Variants in RUNDC3B observed in about 807,000 individuals in gnomAD.
RUNDC3B encodes the protein RUN domain containing 3B.
Under a neutral mutation model 58.4 loss-of-function variants are expected in RUNDC3B, and 33 were observed. The observed-to-expected ratio is 0.56, with a 90% CI of 0.43 to 0.75. The LOEUF (loss-of-function observed/expected upper bound fraction) is 0.75. RUNDC3B is among the 30% of genes least tolerant of loss of function. The pLI is 0.00. For synonymous variants in RUNDC3B, 193 were observed against 195.2 expected (o/e 0.99, Z 0.10); for missense variants, 501 against 535.7 (o/e 0.94, Z 0.64).
intron 2 of RUNDC3B, chr7:87,693,815 C>A: frequency 8.7e-7 from 1 of 1,153,598 alleles, no homozygotes; most frequent in Admixed American, 2.1e-5. Context: ...TTATATGTAG[C>A]CATCTTAGTT....
chr7:87,781,778 G>A (rs1158110392), intron 8 of RUNDC3B, among the ~76,000 whole-genome samples: 1 of 151,884 alleles, frequency 6.6e-6, no homozygotes, highest in Admixed American at 6.6e-5. Context: ...TTATGTGGTA[G>A]ATCACATTTC....
At chr7:87,731,568 G>A (rs1831578591) in intron 4 of RUNDC3B, among the ~76,000 whole-genome samples, 1 of 151,978 alleles carries the variant, frequency 6.6e-6, no homozygotes, top group South Asian at 2.1e-4. Context: ...ATAGAAGGAT[G>A]GAAAAAGATA....
intron 8 of RUNDC3B, among the ~76,000 whole-genome samples, chr7:87,801,010 T>C (rs1836118649): frequency 6.6e-6 from 1 of 152,206 alleles, no homozygotes; most frequent in Non-Finnish European, 1.5e-5. Flanking sequence ...TTTTATAATT[T>C]TGTGCATGAT....
intron 9 of RUNDC3B, among the ~76,000 whole-genome samples, 178 bp from the exon 10 acceptor site, chr7:87,815,963 A>G (rs1026960372): frequency 1.3e-5 from 2 of 152,092 alleles, no homozygotes; most frequent in Non-Finnish European, 2.9e-5. Flanking sequence ...GCCTTGAAAG[A>G]TGATAGAAAG....
chr7:87,705,398 C>A (rs1337976986), intron 3 of RUNDC3B, among the ~76,000 whole-genome samples: 1 of 152,158 alleles, frequency 6.6e-6, no homozygotes, highest in Non-Finnish European at 1.5e-5. Context: ...TGCACTGCAG[C>A]CTGGGCAACA....
intron 8 of RUNDC3B, among the ~76,000 whole-genome samples, chr7:87,800,696 G>T (rs1441361084): frequency 6.8e-6 from 1 of 148,032 alleles, no homozygotes; most frequent in African/African-American, 2.5e-5. Flanking sequence ...CATCCAGGCT[G>T]GAGTGCAGTG....
intron 8 of RUNDC3B, among the ~76,000 whole-genome samples, chr7:87,803,679 T>C (rs948205299): frequency 6.6e-6 from 1 of 152,188 alleles, no homozygotes; most frequent in South Asian, 2.1e-4. Flanking sequence ...GACTTTTAGA[T>C]GATTGCTTCT....
At chr7:87,758,384 A>G (rs910042938) in intron 6 of RUNDC3B, among the ~76,000 whole-genome samples, 1 of 152,050 alleles carries the variant, frequency 6.6e-6, no homozygotes, top group Non-Finnish European at 1.5e-5. Flanking sequence ...TGAAAATACT[A>G]CCAAAAACTG....
chr7:87,638,602 A>G (rs1822083379), intron 1 of RUNDC3B, among the ~76,000 whole-genome samples: 2 of 150,770 alleles, frequency 1.3e-5, no homozygotes, highest in South Asian at 4.2e-4. Flanking sequence ...TATTTCATTT[A>G]TATTGTCAAT....
At chr7:87,797,348 A>G (rs1020991317) in intron 8 of RUNDC3B, among the ~76,000 whole-genome samples, 3 of 152,140 alleles carry the variant, frequency 2.0e-5, no homozygotes, top group African/African-American at 7.2e-5. Flanking sequence ...CTGCTGCTCT[A>G]TGGGGCTGGG....
intron 2 of RUNDC3B, among the ~76,000 whole-genome samples, chr7:87,678,757 T>C (rs574219440): frequency 1.6e-4 from 25 of 151,528 alleles, no homozygotes; most frequent in Non-Finnish European, 3.1e-4. Flanking sequence ...CAGAAAGTAA[T>C]TGAAAAAAAG....
chr7:87,692,325 C>T (rs1391397272), intron 2 of RUNDC3B, among the ~76,000 whole-genome samples: 2 of 152,104 alleles, frequency 1.3e-5, no homozygotes, highest in African/African-American at 2.4e-5. Flanking sequence ...AGCCTGGTGG[C>T]ACGCACCTGT....
intron 6 of RUNDC3B, among the ~76,000 whole-genome samples, 167 bp from the exon 7 acceptor site, chr7:87,770,414 T>C (rs1287062777): frequency 2.0e-5 from 3 of 152,190 alleles, no homozygotes; most frequent in Admixed American, 6.5e-5. Context: ...CCATGCTAAC[T>C]TGCCATTTTT....
intron 6 of RUNDC3B, among the ~76,000 whole-genome samples, chr7:87,742,832 G>A (rs1334050391): frequency 6.6e-6 from 1 of 152,064 alleles, no homozygotes; most frequent in African/African-American, 2.4e-5. Flanking sequence ...AGCGAACTAA[G>A]GCCGGGCACA....
At chr7:87,718,704 T>C (rs1385425999) in intron 4 of RUNDC3B, among the ~76,000 whole-genome samples, 1 of 152,182 alleles carries the variant, frequency 6.6e-6, no homozygotes, top group Non-Finnish European at 1.5e-5. Flanking sequence ...TAATTGATGT[T>C]TACTTTCTTA....
intron 10 of RUNDC3B, among the ~76,000 whole-genome samples, chr7:87,825,149 G>A (rs1343977959): frequency 6.6e-6 from 1 of 152,070 alleles, no homozygotes; most frequent in African/African-American, 2.4e-5. Flanking sequence ...GTGAACCTGG[G>A]AGGTGGAGCT....
intron 4 of RUNDC3B, among the ~76,000 whole-genome samples, chr7:87,734,845 C>A (rs1228454411): frequency 6.6e-6 from 1 of 152,218 alleles, no homozygotes; most frequent in Non-Finnish European, 1.5e-5. Context: ...TTGAAAAAAT[C>A]TCTTCACCTT....
chr7:87,629,311 A>T, intron 1 of RUNDC3B: 1 of 191,786 alleles, frequency 5.2e-6, no homozygotes, highest in Non-Finnish European at 1.1e-5. Context: ...ATAAAGTGGT[A>T]GTTACTGTGA....
At chr7:87,825,259 G>T (rs1563236440) in intron 10 of RUNDC3B, among the ~76,000 whole-genome samples, 1 of 152,002 alleles carries the variant, frequency 6.6e-6, no homozygotes, top group Non-Finnish European at 1.5e-5. Flanking sequence ...TTTCTGAGGA[G>T]AAACTCAAGC....
Sources: gnomAD v4.1 joint callset for allele counts (sites outside exome capture counted in the v4.1 genomes callset) on GRCh38, gnomAD v4.1.1 for gene constraint, MANE v1.5 for transcripts, NCBI Gene and HGNC (gene_info 2026-07-23, HGNC 2026-07-21) for gene names.